CACNA1D: variants seen among roughly 807,000 people sequenced by gnomAD.
CACNA1D encodes the protein calcium voltage-gated channel subunit alpha1 D, also known as voltage-dependent L-type calcium channel subunit alpha-1D.
CACNA1D carries 55 observed loss-of-function variants against 257.1 expected under a neutral mutation model. That is an observed-to-expected ratio of 0.21 (90% CI 0.17 to 0.27). The LOEUF (loss-of-function observed/expected upper bound fraction) is 0.27, where lower values mean the gene tolerates loss of function less well. CACNA1D is among the 10% of genes least tolerant of loss of function. The pLI is 1.00. For synonymous variants in CACNA1D, 980 were observed against 1,014.9 expected (o/e 0.97, Z 0.65); for missense variants, 1,876 against 2,784.0 (o/e 0.67, Z 7.34).
intron 30 of CACNA1D, among the ~76,000 whole-genome samples, chr3:53,769,057 T>G (rs2095351323): frequency 6.6e-6 from 1 of 152,216 alleles, no homozygotes; most frequent in Admixed American, 6.5e-5. Context: ...TGCCTCCTGG[T>G]GCTGGCTGGA....
At chr3:53,805,844 T>C in intron 45 of CACNA1D, among the ~76,000 whole-genome samples, 1 of 125,760 alleles carries the variant, frequency 8.0e-6, no homozygotes, top group African/African-American at 3.1e-5. Flanking sequence ...TCCTCCTCCA[T>C]CTTTCCTCCT....
chr3:53,552,158 G>A (rs1553724496), intron 3 of CACNA1D, among the ~76,000 whole-genome samples: 1 of 152,216 alleles, frequency 6.6e-6, no homozygotes, highest in South Asian at 2.1e-4. Context: ...GTCTCCCAGT[G>A]TGTGTGGAGG....
chr3:53,579,587 T>A (rs1314391672), intron 3 of CACNA1D, among the ~76,000 whole-genome samples: 1 of 152,238 alleles, frequency 6.6e-6, no homozygotes, highest in Non-Finnish European at 1.5e-5. Flanking sequence ...AGTGAGCAAT[T>A]CTTGTTCACA....
At chr3:53,689,032 C>A (rs1280914844) in intron 8 of CACNA1D, among the ~76,000 whole-genome samples, 3 of 151,768 alleles carry the variant, frequency 2.0e-5, no homozygotes, top group Non-Finnish European at 4.4e-5. Context: ...GCACTCTGTC[C>A]CCCTTTGGCT....
At position 53,808,776 on chromosome 3, in the gene CACNA1D, C is replaced by T. The variant is rs201867368; in HGVS notation, c.5871+6C>T. 9.3e-6 allele frequency: 15 copies of T among 1,605,176 alleles called. No homozygotes were observed. The East Asian group carries it at 1.8e-4, about 19-fold the overall frequency. On this transcript the variant is annotated splice_donor_region_variant and intron_variant, in intron 46 of 47. Transcript: ENST00000350061. Reference sequence around the variant, plus strand: ...TGCATCTAATGCAGCAACAGGTGAGCGGCCCACCTGGCCTTGCCCCCACAC... The same window carrying T: ...TGCATCTAATGCAGCAACAGGTGAGTGGCCCACCTGGCCTTGCCCCCACAC...
rs2094900912 is a variant in CACNA1D at position 53,723,349 on chromosome 3, T to C, written c.1667-85T>C. ...GTATTGGCGTATTTCCTGTGGGGCC[T>C]GATAGGGAGGGAGGTGTGAGGGGCA... On this transcript the variant is annotated intron_variant, in intron 12 of 47. Transcript: ENST00000350061. The surrounding 1 kb of genome is among the most constrained non-coding windows in gnomAD (Gnocchi z 5.6). The C allele has an allele frequency of 1.1e-6, 1 of 938,008 alleles. No homozygotes were observed. The allele number at this position is 938,008 out of a possible 1,614,324, so 58.1% of individuals were successfully genotyped here.
chr3:53,727,099 T>C, intron 15 of CACNA1D, 100 bp downstream of exon 15: 1 of 1,411,930 alleles, frequency 7.1e-7, no homozygotes, highest in Non-Finnish European at 1.0e-6. Context: ...GTAGTAGTTG[T>C]GGCAGGGAGG....
chr3:53,552,117 C>T (rs3774441), intron 3 of CACNA1D, among the ~76,000 whole-genome samples: 53,998 of 152,054 alleles, frequency 0.36, 11,941 homozygotes, highest in African/African-American at 0.64. Context: ...TGGAAAATGG[C>T]AGACCTGGGG....
At chr3:53,718,736 G>C in intron 10 of CACNA1D, 1 of 1,555,132 alleles carries the variant, frequency 6.4e-7, no homozygotes, top group South Asian at 1.2e-5. Context: ...GGTGTCGGCG[G>C]TGGGGGTAAA....
At chr3:53,682,763 A>G (rs1356873160) in intron 8 of CACNA1D, among the ~76,000 whole-genome samples, 1 of 152,178 alleles carries the variant, frequency 6.6e-6, no homozygotes, top group Non-Finnish European at 1.5e-5. Context: ...AAATGGATGT[A>G]GAGAGACCAA....
At chr3:53,663,252 T>C (rs558243654) in intron 5 of CACNA1D, among the ~76,000 whole-genome samples, 9 of 152,352 alleles carry the variant, frequency 5.9e-5, no homozygotes, top group Admixed American at 1.3e-4. Flanking sequence ...TGGTTTCCGA[T>C]GTAAGCATCT....
chr3:53,612,418 G>A (rs971522313), intron 3 of CACNA1D, among the ~76,000 whole-genome samples: 3 of 152,156 alleles, frequency 2.0e-5, no homozygotes, highest in African/African-American at 7.2e-5. Context: ...GTGGGTTTAG[G>A]ATCACCTTTT....
chr3:53,650,671 A>G, intron 3 of CACNA1D, 108 bp from the exon 4 acceptor site: 1 of 1,153,152 alleles, frequency 8.7e-7, no homozygotes, highest in Non-Finnish European at 1.3e-6. Flanking sequence ...GTTTGGAGGG[A>G]AATGCTTATA....
At chr3:53,803,615 C>T (rs1433964790) in intron 44 of CACNA1D, 43 bp downstream of exon 44, 1 of 1,603,778 alleles carries the variant, frequency 6.2e-7, no homozygotes, top group East Asian at 2.2e-5. Flanking sequence ...GGCCGCCCTG[C>T]CCTGGTGCTC....
chr3:53,503,457 A>G (rs2090689462), intron 3 of CACNA1D, among the ~76,000 whole-genome samples: 1 of 152,254 alleles, frequency 6.6e-6, no homozygotes, highest in African/African-American at 2.4e-5. Flanking sequence ...AACGACGTGG[A>G]TGGTGACCCA....
At chr3:53,718,177 G>A in intron 9 of CACNA1D, 124 bp from the exon 10 acceptor site, 2 of 805,794 alleles carry the variant, frequency 2.5e-6, no homozygotes, top group South Asian at 1.3e-5. Context: ...GAGGCCCTGA[G>A]GGCCCTTTTC....
chr3:53,667,820 AGTGTGTGTGTGTGTGTATGCATGTGTGT>A (rs1220083003), intron 7 of CACNA1D, among the ~76,000 whole-genome samples: 1 of 147,256 alleles, frequency 6.8e-6, no homozygotes, highest in African/African-American at 2.5e-5. Context: ...TAGGAGTGTG[AGTGTGTGTGTGTGTGTATGCATGTGTGT>A]GTGTGTGTGT....
intron 3 of CACNA1D, among the ~76,000 whole-genome samples, chr3:53,606,429 A>T (rs2107920352): frequency 6.6e-6 from 1 of 152,340 alleles, no homozygotes; most frequent in African/African-American, 2.4e-5. Flanking sequence ...AATTATGGTG[A>T]ACTACGTTTA....
intron 3 of CACNA1D, among the ~76,000 whole-genome samples, chr3:53,556,560 G>A (rs1336803416): frequency 6.6e-6 from 1 of 152,114 alleles, no homozygotes; most frequent in Admixed American, 6.5e-5. Flanking sequence ...GTGACTTGGT[G>A]AAGTGACTAT....
Sources: allele counts gnomAD v4.1 joint callset (sites outside exome capture counted in the v4.1 genomes callset), GRCh38; gene constraint gnomAD v4.1.1; non-coding constraint Gnocchi (gnomAD v3.1); transcripts MANE v1.5; gene names NCBI Gene and HGNC (gene_info 2026-07-23, HGNC 2026-07-21).